The following GAD2 variants were observed in gnomAD, a reference collection of about 807,000 sequenced individuals.
GAD2 encodes the protein glutamate decarboxylase 2.
A neutral mutation model predicts 80.1 loss-of-function variants in GAD2; 22 were observed. That is an observed-to-expected ratio of 0.27 (90% CI 0.20 to 0.39). GAD2 has a LOEUF of 0.39. Ranked by LOEUF, GAD2 falls within the 10% of genes least tolerant of loss-of-function variation. GAD2 has a pLI of 1.00. For missense variants in GAD2, 624 were observed against 738.4 expected (o/e 0.85, Z 1.80); for synonymous variants, 274 against 256.9 (o/e 1.07, Z -0.64).
At chr10:26,228,370 C>G (rs74129123) in intron 6 of GAD2, among the ~76,000 whole-genome samples, 2,696 of 152,216 alleles carry the variant, frequency 0.018, 90 homozygotes, top group African/African-American at 0.061. Context: ...ACTGAAAATT[C>G]TCTTAGTTGT....
chr10:26,251,690 A>T (rs1486217380), intron 8 of GAD2, among the ~76,000 whole-genome samples: 1 of 152,242 alleles, frequency 6.6e-6, no homozygotes, highest in East Asian at 1.9e-4. Context: ...GAATGTTTTT[A>T]AGGAAATGGA....
rs750339342 is a variant in GAD2, at chr10:26,229,781, T to C, written c.840+4T>C. 4.4e-6 allele frequency: 7 copies of C among 1,599,202 alleles called. No homozygotes were observed. The South Asian group carries it at 7.7e-5, about 18-fold the overall frequency. On this transcript the variant is annotated splice_donor_region_variant and intron_variant, in intron 7 of 15. Coordinates refer to ENST00000376261, the MANE Select transcript of GAD2 (RefSeq NM_001134366.2). ...CATTGCCTTCACGTCTGAACATGTA[T>C]GTGTTTCTTTTCCTTGCAAGTTTAA...
intron 11 of GAD2, among the ~76,000 whole-genome samples, chr10:26,277,351 C>T (rs1038453519): frequency 1.3e-5 from 2 of 152,142 alleles, no homozygotes; most frequent in African/African-American, 2.4e-5. Context: ...TCAGAATCTG[C>T]GGGGGTTCTT....
chr10:26,289,288 A>G (rs1834187658), intron 13 of GAD2, among the ~76,000 whole-genome samples: 1 of 152,180 alleles, frequency 6.6e-6, no homozygotes, highest in African/African-American at 2.4e-5. Context: ...GAATGAGGAA[A>G]CAATCTGGAA....
At chr10:26,268,984 C>T in intron 8 of GAD2, 135 bp from the exon 9 acceptor site, 1 of 557,730 alleles carries the variant, frequency 1.8e-6, no homozygotes, top group Non-Finnish European at 3.2e-6. Flanking sequence ...TTCCTGGAAG[C>T]AGTCAAGGAG....
Position 26,269,157 on chromosome 10 carries a change from T to C in GAD2, c.959T>C (p.Leu320Pro), listed in dbSNP as rs1845104727. Reference sequence around the variant, plus strand: ...CCATCTGATCTTGAAAGAAGGATTCTTGAAGCCAAACAGAAAGTAAGTTTC... The same window carrying C: ...CCATCTGATCTTGAAAGAAGGATTCCTGAAGCCAAACAGAAAGTAAGTTTC... ...MIPSDLERRILEAKQKGFVPF... is the reference protein window; with the variant it reads ...MIPSDLERRIPEAKQKGFVPF... Residue 320 changes from leucine (L) to proline (P), a missense_variant, in exon 9 of 16, where the codon CTT becomes CCT. Leu to Pro is a moderately conservative substitution (Grantham distance 98). Coordinates refer to ENST00000376261, the MANE Select transcript of GAD2 (RefSeq NM_001134366.2). The C allele has an allele frequency of 6.2e-7, 1 of 1,600,840 alleles. No individual in the cohort carries two copies. The highest frequency in any genetic ancestry group is 8.5e-7 in the Non-Finnish European group (1 of 1,173,034).
chr10:26,218,983 T>A, intron 3 of GAD2, 60 bp from the exon 4 acceptor site: 1 of 1,288,770 alleles, frequency 7.8e-7, no homozygotes, highest in Non-Finnish European at 1.1e-6. Flanking sequence ...CTCATCAAGA[T>A]CTTGCCTTGA....
At chr10:26,254,349 C>A (rs972699070) in intron 8 of GAD2, among the ~76,000 whole-genome samples, 1 of 152,172 alleles carries the variant, frequency 6.6e-6, no homozygotes, top group African/African-American at 2.4e-5. Context: ...CCCTCACATC[C>A]GCAGTTCACA....
chr10:26,216,767 G>A (rs1233825479), upstream of GAD2: 8 of 1,566,672 alleles, frequency 5.1e-6, no homozygotes, highest in Non-Finnish European at 7.0e-6. The surrounding 1 kb of genome is among the most constrained non-coding windows in gnomAD (Gnocchi z 4.7). Flanking sequence ...CAGCTCGCCC[G>A]CAGCTCGCAC....
At chr10:26,293,955 C>T (rs923609407) in intron 15 of GAD2, among the ~76,000 whole-genome samples, 2 of 152,222 alleles carry the variant, frequency 1.3e-5, no homozygotes, top group African/African-American at 2.4e-5. Context: ...AGTCTGCATC[C>T]GAGCCTAAGG....
At chr10:26,234,314 T>G (rs1844642830) in intron 7 of GAD2, among the ~76,000 whole-genome samples, 2 of 136,358 alleles carry the variant, frequency 1.5e-5, no homozygotes, top group Admixed American at 8.2e-5. Flanking sequence ...ACAGAGTGAG[T>G]GAGACTCCGT....
chr10:26,262,808 G>A (rs1845024063), intron 8 of GAD2, among the ~76,000 whole-genome samples: 1 of 151,006 alleles, frequency 6.6e-6, no homozygotes, highest in African/African-American at 2.4e-5. Context: ...GAGTAGCCAA[G>A]CATGTTTTCT....
chr10:26,292,829 G>A (rs143779289), intron 14 of GAD2, 73 bp from the exon 15 acceptor site: 63 of 1,232,922 alleles, frequency 5.1e-5, no homozygotes, highest in East Asian at 9.3e-5. Flanking sequence ...TGAATACATC[G>A]ATTTGAAATG....
intron 8 of GAD2, among the ~76,000 whole-genome samples, chr10:26,249,158 G>C (rs1200242892): frequency 1.3e-5 from 2 of 152,194 alleles, no homozygotes; most frequent in Non-Finnish European, 2.9e-5. Flanking sequence ...TGCCTCCCGG[G>C]TTCAAGCGAT....
intron 8 of GAD2, among the ~76,000 whole-genome samples, chr10:26,258,980 G>A (rs1844976980): frequency 6.6e-6 from 1 of 152,044 alleles, no homozygotes. Flanking sequence ...ACCATGCCTA[G>A]CTAATTTTTG....
rs527660369 is a variant in GAD2, at chr10:26,219,312, C to A, written c.520+36C>A. ...ATCGAAAATAATAAAGCTCTTTTTT[C>A]GTTTACAATTTTTATTTTATTTTTT... On this transcript the variant is annotated intron_variant, in intron 4 of 15. Transcript: ENST00000376261. The A allele has an allele frequency of 8.5e-6, 11 of 1,290,190 alleles. No individual in the cohort carries two copies. The South Asian group carries it at 1.3e-4, about 15-fold the overall frequency. 79.9% of individuals were successfully genotyped at this position (1,290,190 alleles called of 1,614,324 possible).
intron 4 of GAD2, 82 bp from the exon 5 acceptor site, chr10:26,223,805 C>A: frequency 2.3e-6 from 2 of 874,110 alleles, no homozygotes; most frequent in South Asian, 1.6e-5. Context: ...TTTCAAGGTC[C>A]TTTAGCTAGA....
intron 7 of GAD2, among the ~76,000 whole-genome samples, chr10:26,236,668 A>G (rs1844676353): frequency 6.6e-6 from 1 of 152,216 alleles, no homozygotes; most frequent in South Asian, 2.1e-4. Flanking sequence ...TCCTTTAAAA[A>G]ATTCTTTTAA....
chr10:26,261,618 G>A (rs977310167), intron 8 of GAD2, among the ~76,000 whole-genome samples: 2 of 152,154 alleles, frequency 1.3e-5, no homozygotes, highest in African/African-American at 4.8e-5. Flanking sequence ...TAAGAAGAAT[G>A]TTCTTGTCCC....
Sources: allele counts gnomAD v4.1 joint callset (sites outside exome capture counted in the v4.1 genomes callset), GRCh38; gene constraint gnomAD v4.1.1; non-coding constraint Gnocchi (gnomAD v3.1); transcripts MANE v1.5; gene names NCBI Gene and HGNC (gene_info 2026-07-23, HGNC 2026-07-21).